SPATA31A1: variants seen among roughly 807,000 people sequenced by gnomAD.
SPATA31A1 encodes the protein spermatogenesis-associated protein 31A1.
For missense variants in SPATA31A1, 579 were observed against 1,476.3 expected (o/e 0.39, Z 9.96); for synonymous variants, 194 against 573.4 (o/e 0.34, Z 9.45).
intron 3 of SPATA31A1, 90 bp downstream of exon 3, chr9:39,357,908 G>A: frequency 1.3e-6 from 2 of 1,541,610 alleles, no homozygotes; most frequent in Non-Finnish European, 1.8e-6. Flanking sequence ...CCTGGGATGG[G>A]GAGACCAGGG....
chr9:39,361,782 G>A lies in SPATA31A1; in HGVS notation c.4017G>A (p.Arg1339=), dbSNP rs945510599. ...CTAGCCACCATCACCACTGTCCAAG[G>A]CACTGTCTTCTTTGGGAAGGTATCT... ...GASSHHHHCP[R]HCLLWEGI Residue 1339 remains arginine, a synonymous_variant, in exon 4 of 4, where the codon AGG becomes AGA. Transcript: ENST00000377647. The A allele has an allele frequency of 6.0e-5, 96 of 1,611,870 alleles. 2 individuals carry two copies. In the African/African-American group the frequency reaches 1.3e-3, roughly 21 times the overall value.
In SPATA31A1 at chr9:39,360,776, G is replaced by T; in HGVS notation, c.3011G>T (p.Cys1004Phe). ...VSVSQDPRKL[C>F]LMEEVVNEFE... is the part of the protein sequence containing the mutation. ...GTCTCCCAAGATCCAAGAAAGCTGT[G>T]TCTTATGGAGGAGGTTGTTAATGAA... Residue 1004 changes from cysteine to phenylalanine, a missense_variant, in exon 4 of 4, where the codon TGT becomes TTT. Physicochemically the swap from Cys to Phe is radical, Grantham distance 205. Coordinates refer to ENST00000377647, the MANE Select transcript of SPATA31A1 (RefSeq NM_001085452.4). The T allele has an allele frequency of 1.2e-6, 2 of 1,610,602 alleles. No individual in the cohort carries two copies. Among genetic ancestry groups the T allele is most frequent in the Non-Finnish European group, 1.7e-6 (2 of 1,179,648 alleles).
chr9:39,356,306 GC>G (rs1240176329), intron 1 of SPATA31A1, among the ~76,000 whole-genome samples: 1 of 67,578 alleles, frequency 1.5e-5, no homozygotes. Context: ...GTGATCTGGG[GC>G]CTGTGCTGGG....
In SPATA31A1 at chr9:39,361,059, G is replaced by A. The variant is rs748507917; in HGVS notation, c.3294G>A (p.Lys1098=). 5.0e-6 allele frequency: 8 copies of A among 1,610,696 alleles called. No individual in the cohort carries two copies. The South Asian group carries it at 7.7e-5, about 15-fold the overall frequency. Reference sequence around the variant, plus strand: ...ACCCAAACTGTCAAGGCTCATGCAAGAACCAAAGGCCAATGTTTCCCCCTA... The same window carrying A: ...ACCCAAACTGTCAAGGCTCATGCAAAAACCAAAGGCCAATGTTTCCCCCTA... ...PRNPNCQGSC[K]NQRPMFPPIH... The change falls in exon 4 of 4, where the codon AAG becomes AAA. Residue 1098 remains lysine, a synonymous_variant. Transcript: ENST00000377647.
chr9:39,356,592 TTA>T (rs1231498160), intron 1 of SPATA31A1, among the ~76,000 whole-genome samples: 48 of 46,818 alleles, frequency 1.0e-3, no homozygotes, highest in East Asian at 3.7e-3. Flanking sequence ...TTATTTTATT[TTA>T]TTTTATTTTA....
intron 1 of SPATA31A1, among the ~76,000 whole-genome samples, chr9:39,356,527 TTGTG>T (rs1324685932): frequency 2.9e-5 from 4 of 140,226 alleles, no homozygotes; most frequent in Admixed American, 7.3e-5. Context: ...TTTATTTTAT[TTGTG>T]TGTGTTATTT....
At position 39,361,041 on chromosome 9, in the gene SPATA31A1, C is replaced by A; in HGVS notation, c.3276C>A (p.Asn1092Lys). Residue 1092 changes from asparagine (N) to lysine (K), a missense_variant, in exon 4 of 4, where the codon AAC becomes AAA. Coordinates refer to ENST00000377647, the MANE Select transcript of SPATA31A1 (RefSeq NM_001085452.4). The stretch of plus-strand genomic sequence containing the variant: ...TGCACGAGGAGCCCAGAAACCCAAA[C>A]TGTCAAGGCTCATGCAAGAACCAAA... Reference protein sequence around the residue: ...KLVHEEPRNPNCQGSCKNQRP... With the variant: ...KLVHEEPRNPKCQGSCKNQRP... 2.5e-6 allele frequency: 4 copies of A among 1,611,142 alleles called. No individual in the cohort carries two copies. The South Asian group carries it at 4.4e-5, about 18-fold the overall frequency.
At position 39,361,756 on chromosome 9, in the gene SPATA31A1, T is replaced by A. The variant is rs1401992812; in HGVS notation, c.3991T>A (p.Ser1331Thr). 10 of 1,612,378 alleles carry A rather than the reference T, an allele frequency of 6.2e-6. No homozygotes were observed. The East Asian group carries it at 2.0e-4, about 32-fold the overall frequency. ...LQHWPKTSGA[S>T]SHHHHCPRHC... ...GCACTGGCCGAAGACATCCGGTGCCTCTAGCCACCATCACCACTGTCCAAG... is the reference window on the plus strand; with the variant it reads ...GCACTGGCCGAAGACATCCGGTGCCACTAGCCACCATCACCACTGTCCAAG... The change falls in exon 4 of 4, where the codon TCT becomes ACT. Residue 1331 changes from serine (S) to threonine (T), a missense_variant. Transcript: ENST00000377647.
chr9:39,358,573 C>T lies in SPATA31A1; in HGVS notation c.808C>T (p.Leu270Phe). 1 of 1,591,346 alleles carries T rather than the reference C, an allele frequency of 6.3e-7. No individual in the cohort carries two copies. The highest frequency in any genetic ancestry group is 8.5e-7 in the Non-Finnish European group (1 of 1,177,864). ...LVASVPAISG[L>F]GGSNSHVSAS... ...GGCTTCTGTCCCAGCCATCTCAGGC[C>T]TTGGTGGCTCAAACAGTCATGTTTC... The change falls in exon 4 of 4, where the codon CTT (leucine) becomes TTT (phenylalanine). Residue 270 changes from leucine (L) to phenylalanine (F), a missense_variant. Coordinates refer to ENST00000377647, the MANE Select transcript of SPATA31A1 (RefSeq NM_001085452.4).
At position 39,359,162 on chromosome 9, in the gene SPATA31A1, T is replaced by C; in HGVS notation, c.1397T>C (p.Leu466Pro). Residue 466 changes from leucine to proline, a missense_variant, in exon 4 of 4, where the codon CTT (leucine) becomes CCT (proline). Coordinates refer to ENST00000377647, the MANE Select transcript of SPATA31A1 (RefSeq NM_001085452.4). The stretch of plus-strand genomic sequence containing the variant: ...AGGGAGACTACAATGTCCCCACTGC[T>C]TTTCCAGGCCCAGCCCCCGTCCCAT... The part of the protein sequence containing the change: ...IQRETTMSPL[L>P]FQAQPPSHLG... The C allele has an allele frequency of 6.2e-7, 1 of 1,611,778 alleles. No homozygotes were observed. The highest frequency in any genetic ancestry group is 1.1e-5 in the South Asian group (1 of 90,974).
Position 39,358,665 on chromosome 9 carries a change from T to A in SPATA31A1, c.900T>A (p.Asp300Glu). 1 of 1,608,448 alleles carries A rather than the reference T, an allele frequency of 6.2e-7. No homozygotes were observed. Among genetic ancestry groups the A allele is most frequent in the Non-Finnish European group, 8.5e-7 (1 of 1,179,744 alleles). ...SCAFNSSVQQ[D>E]HLSRHPPETY... The stretch of plus-strand genomic sequence containing the variant: ...CCTTTAACTCATCAGTCCAGCAAGA[T>A]CATCTTTCCCGCCACCCACCAGAGA... The change falls in exon 4 of 4, where the codon GAT (aspartate) becomes GAA (glutamate). Residue 300 changes from aspartate to glutamate, a missense_variant. Transcript: ENST00000377647.
In SPATA31A1 at chr9:39,355,807, T is replaced by G; in HGVS notation, c.77T>G (p.Leu26Trp). The G allele has an allele frequency of 2.7e-6, 1 of 365,830 alleles. No individual in the cohort carries two copies. The highest frequency in any genetic ancestry group is 6.1e-5 in the East Asian group (1 of 16,494). 22.7% of individuals were successfully genotyped at this position (365,830 alleles called of 1,614,324 possible). Reference protein sequence around the residue: ...LNAPSSTPWVLDIFLTLVFAL... With the variant: ...LNAPSSTPWVWDIFLTLVFAL... ...GCCCCCAGTTCCACACCATGGGTGTTGGATATCTTCCTCACTTTGGTGTTT... is the reference window on the plus strand; with the variant it reads ...GCCCCCAGTTCCACACCATGGGTGTGGGATATCTTCCTCACTTTGGTGTTT... The change falls in exon 1 of 4, where the codon TTG (leucine) becomes TGG (tryptophan). Residue 26 changes from leucine to tryptophan, a missense_variant. Transcript: ENST00000377647.
intron 2 of SPATA31A1, 106 bp from the exon 3 acceptor site, chr9:39,357,652 C>A (rs1157591168): frequency 6.3e-7 from 1 of 1,596,726 alleles, no homozygotes. Context: ...TGGGTGGGGC[C>A]CAGGGTCTAA....
chr9:39,358,861 T>A lies in SPATA31A1; in HGVS notation c.1096T>A (p.Leu366Met). ...PEKHLNSLRN[L>M]AKSLDAEQDT... Reference sequence around the variant, plus strand: ...AAAGCACTTAAATTCTTTGCGGAATTTGGCTAAATCATTGGATGCTGAGCA... The same window carrying A: ...AAAGCACTTAAATTCTTTGCGGAATATGGCTAAATCATTGGATGCTGAGCA... The change falls in exon 4 of 4, where the codon TTG (leucine) becomes ATG (methionine). Residue 366 changes from leucine to methionine, a missense_variant. Leu to Met is a conservative substitution (Grantham distance 15). Coordinates refer to ENST00000377647, the MANE Select transcript of SPATA31A1 (RefSeq NM_001085452.4). The A allele has an allele frequency of 6.3e-7, 1 of 1,596,018 alleles. No homozygotes were observed. Among genetic ancestry groups the A allele is most frequent in the African/African-American group, 1.3e-5 (1 of 74,592 alleles).
intron 1 of SPATA31A1, among the ~76,000 whole-genome samples, chr9:39,356,455 G>C (rs1010755315): frequency 7.6e-6 from 1 of 130,958 alleles, no homozygotes; most frequent in Non-Finnish European, 1.6e-5. Flanking sequence ...GAAGGTGTCC[G>C]TGGTGGACCT....
In SPATA31A1 at chr9:39,358,456, G is replaced by A. The variant is rs1390295648; in HGVS notation, c.691G>A (p.Asp231Asn). 5 of 1,556,206 alleles carry A rather than the reference G, an allele frequency of 3.2e-6. No individual in the cohort carries two copies. Among genetic ancestry groups the A allele is most frequent in the Non-Finnish European group, 4.3e-6 (5 of 1,154,290 alleles). Residue 231 changes from aspartate to asparagine, a missense_variant, in exon 4 of 4, where the codon GAC becomes AAC. Physicochemically the swap from Asp to Asn is conservative, Grantham distance 23. Transcript: ENST00000377647. ...AGGCTTCACTGCTCCTCCCCTGCGG[G>A]ACTCCACACTGATAACTCCATCTCA... ...PKGFTAPPLRDSTLITPSHCD... is the reference protein window; with the variant it reads ...PKGFTAPPLRNSTLITPSHCD...
At position 39,361,747 on chromosome 9, in the gene SPATA31A1, T is replaced by G. The variant is rs1358265487; in HGVS notation, c.3982T>G (p.Ser1328Ala). The change falls in exon 4 of 4, where the codon TCC becomes GCC. Residue 1328 changes from serine to alanine, a missense_variant. Coordinates refer to ENST00000377647, the MANE Select transcript of SPATA31A1 (RefSeq NM_001085452.4). ...VSPLQHWPKTSGASSHHHHCP... is the reference protein window; with the variant it reads ...VSPLQHWPKTAGASSHHHHCP... ...TCCCCTTCAGCACTGGCCGAAGACA[T>G]CCGGTGCCTCTAGCCACCATCACCA... 6 of 1,612,292 alleles carry G rather than the reference T, an allele frequency of 3.7e-6. No individual in the cohort carries two copies. The highest frequency in any genetic ancestry group is 3.3e-5 in the Admixed American group (2 of 59,946).
chr9:39,357,712 C>T (rs1281241109), intron 2 of SPATA31A1, 46 bp from the exon 3 acceptor site: 2 of 1,085,682 alleles, frequency 1.8e-6, no homozygotes, highest in Non-Finnish European at 1.4e-6. Context: ...CCTGTGAGAA[C>T]CCAGGCCCCT....
chr9:39,360,746 T>C lies in SPATA31A1; in HGVS notation c.2981T>C (p.Val994Ala). ...GTSKSSLHPR[V>A]SVSQDPRKLC... ...AGCAAAAGCTCTCTACACCCTAGAG[T>C]GTCTGTCTCCCAAGATCCAAGAAAG... The change falls in exon 4 of 4, where the codon GTG becomes GCG. Residue 994 changes from valine to alanine, a missense_variant. Transcript: ENST00000377647. The C allele has an allele frequency of 6.2e-7, 1 of 1,611,512 alleles. No homozygotes were observed. The highest frequency in any genetic ancestry group is 1.8e-4 in the Middle Eastern group (1 of 5,598).
Sources: gnomAD v4.1 joint callset for allele counts (sites outside exome capture counted in the v4.1 genomes callset) on GRCh38, gnomAD v4.1.1 for gene constraint, MANE v1.5 for transcripts, NCBI Gene and HGNC (gene_info 2026-07-23, HGNC 2026-07-21) for gene names.